SP140: variants seen among roughly 807,000 people sequenced by gnomAD.
SP140 encodes SP140 nuclear body protein, also known as nuclear body protein SP140.
Under a neutral mutation model 125.0 loss-of-function variants are expected in SP140, and 81 were observed. The ratio of observed to expected loss-of-function variants is 0.65; its 90% confidence interval spans 0.54 to 0.78. SP140 has a LOEUF of 0.78. Among genes scored for constraint, SP140 ranks in the 30% least tolerant of loss-of-function variants. The pLI, the probability that SP140 is intolerant of heterozygous loss-of-function variation, is 0.00. For synonymous variants in SP140, 312 were observed against 354.0 expected, an observed-to-expected ratio of 0.88 and a Z score of 1.33; for missense variants, 858 against 1,037.0, an observed-to-expected ratio of 0.83 and a Z score of 2.37.
chr2:230,293,359 G>A (rs1195142542), intron 20 of SP140, among the ~76,000 whole-genome samples: 2 of 152,118 alleles, frequency 1.3e-5, no homozygotes, highest in African/African-American at 4.8e-5. Flanking sequence ...ATTTTTAGGA[G>A]ACAGTCTCAC....
Position 230,310,760 on chromosome 2 carries a change from T to C in SP140, c.2192T>C (p.Ile731Thr). 2 of 1,537,244 alleles carry C rather than the reference T, an allele frequency of 1.3e-6. No individual in the cohort carries two copies. The highest frequency in any genetic ancestry group is 2.4e-5 in the South Asian group (2 of 84,640). The change falls in exon 24 of 27, where the codon ATC becomes ACC. Residue 731 changes from isoleucine to threonine, a missense_variant. Coordinates refer to ENST00000392045, the MANE Select transcript of SP140 (RefSeq NM_007237.5). Reference sequence around the variant, plus strand: ...TCTCTCAGGACCCCGTGGAATTGCATCTTCTGCAGGATGAAGGAGTCTCCG... The same window carrying C: ...TCTCTCAGGACCCCGTGGAATTGCACCTTCTGCAGGATGAAGGAGTCTCCG... Reference protein sequence around the residue: ...VEAERTPWNCIFCRMKESPGS... With the variant: ...VEAERTPWNCTFCRMKESPGS...
chr2:230,251,031 G>A lies in SP140; in HGVS notation c.1027G>A (p.Ala343Thr), dbSNP rs1323410349. 3 of 1,613,582 alleles carry A rather than the reference G, an allele frequency of 1.9e-6. No individual in the cohort carries two copies. The highest frequency in any genetic ancestry group is 2.7e-5 in the African/African-American group (2 of 74,908). Residue 343 changes from alanine to threonine, a missense_variant, in exon 10 of 27, where the codon GCC becomes ACC. Ala to Thr is a moderately conservative substitution (Grantham distance 58). Around this residue, in one of 4 missense-constraint regions of SP140, gnomAD observed 791 missense variants for 869.5 expected, o/e 0.91. Coordinates refer to ENST00000392045, the MANE Select transcript of SP140 (RefSeq NM_007237.5). The part of the protein sequence containing the change: ...EMCDGEEPQE[A>T]SSSLARCGSV... ...GTGTGATGGAGAAGAGCCCCAGGAA[G>A]CCTCTAGCTCCCTAGCAAGATGTGG...
intron 3 of SP140, chr2:230,239,019 G>A: frequency 7.0e-7 from 1 of 1,419,856 alleles, no homozygotes; most frequent in Non-Finnish European, 9.2e-7. Flanking sequence ...CTGTGCTAAG[G>A]AATCTGGAGT....
At chr2:230,297,644 T>C (rs1352996377) in intron 22 of SP140, among the ~76,000 whole-genome samples, 182 bp downstream of exon 22, 1 of 152,226 alleles carries the variant, frequency 6.6e-6, no homozygotes, top group Non-Finnish European at 1.5e-5. Context: ...TGTCTCATTA[T>C]GAAAGCACCC....
chr2:230,188,608 A>T, the SP140 span, among the ~76,000 whole-genome samples: 1 of 152,178 alleles, frequency 6.6e-6, no homozygotes, highest in African/African-American at 2.4e-5. Flanking sequence ...ATTTAGTATC[A>T]CATTGGCTGT....
chr2:230,207,880 T>C, intron 1 of SP140: 1 of 691,410 alleles, frequency 1.4e-6, no homozygotes, highest in Non-Finnish European at 2.6e-6. Flanking sequence ...CTAAATCTCT[T>C]CAATGGCTTC....
chr2:230,270,115 G>A (rs1416826670), intron 14 of SP140, among the ~76,000 whole-genome samples, 162 bp downstream of exon 14: 1 of 152,094 alleles, frequency 6.6e-6, no homozygotes, highest in Non-Finnish European at 1.5e-5. Context: ...TCGTTATAAA[G>A]TACTATTTAA....
At chr2:230,290,075 T>G (rs1021664977) in intron 18 of SP140, among the ~76,000 whole-genome samples, 1 of 152,196 alleles carries the variant, frequency 6.6e-6, no homozygotes, top group Non-Finnish European at 1.5e-5. Flanking sequence ...AGACTGAATA[T>G]GATCTCTGGA....
At chr2:230,276,387 A>G (rs1182692392) in intron 15 of SP140, among the ~76,000 whole-genome samples, 1 of 152,150 alleles carries the variant, frequency 6.6e-6, no homozygotes, top group Non-Finnish European at 1.5e-5. Flanking sequence ...TGTATAAGTA[A>G]AATAAAGCCC....
chr2:230,233,102 C>T (rs541170908), intron 1 of SP140, among the ~76,000 whole-genome samples: 294 of 151,780 alleles, frequency 1.9e-3, no homozygotes, highest in Non-Finnish European at 2.4e-3. Context: ...ATATTTTATG[C>T]CTCTTTATTT....
At chr2:230,250,105 T>TC (rs1408406256) in intron 9 of SP140, among the ~76,000 whole-genome samples, 9 of 152,108 alleles carry the variant, frequency 5.9e-5, no homozygotes, top group Non-Finnish European at 1.3e-4. Context: ...ACCTAGAAAC[T>TC]CCCCTTTCTC....
At chr2:230,284,262 A>G in intron 15 of SP140, 84 bp from the exon 16 acceptor site, 4 of 1,345,696 alleles carry the variant, frequency 3.0e-6, no homozygotes, top group Non-Finnish European at 3.0e-6. Flanking sequence ...TATGAAAAAA[A>G]ATCTTTAATA....
intron 22 of SP140, 111 bp downstream of exon 22, chr2:230,297,573 T>C: frequency 7.8e-7 from 1 of 1,286,806 alleles, no homozygotes; most frequent in Non-Finnish European, 1.1e-6. Flanking sequence ...TCAGCTGGAG[T>C]ATGTGGCTGT....
intron 16 of SP140, 100 bp from the exon 17 acceptor site, chr2:230,285,652 C>A: frequency 1.0e-6 from 1 of 984,034 alleles, no homozygotes; most frequent in Non-Finnish European, 1.6e-6. Flanking sequence ...TCGAGGGGAT[C>A]CAGAATGAGA....
intron 12 of SP140, among the ~76,000 whole-genome samples, chr2:230,258,171 A>G (rs1340183738): frequency 6.6e-6 from 1 of 152,170 alleles, no homozygotes; most frequent in Non-Finnish European, 1.5e-5. Flanking sequence ...CCCTTTAGGA[A>G]ATCTCTCATC....
intron 1 of SP140, 65 bp downstream of exon 1, chr2:230,225,968 A>G: frequency 7.9e-7 from 1 of 1,263,366 alleles, no homozygotes; most frequent in Non-Finnish European, 1.1e-6. Context: ...CATACTTGTT[A>G]TTTAATGTCT....
At chr2:230,231,671 G>C (rs2047264669) in intron 1 of SP140, among the ~76,000 whole-genome samples, 1 of 151,976 alleles carries the variant, frequency 6.6e-6, no homozygotes, top group South Asian at 2.1e-4. Flanking sequence ...ACTGCACCTT[G>C]GGCTATTACT....
intron 19 of SP140, among the ~76,000 whole-genome samples, chr2:230,291,031 CTGAACCTG>C (rs1373628261): frequency 6.6e-6 from 1 of 152,128 alleles, no homozygotes; most frequent in Admixed American, 6.5e-5. Context: ...GGGAACCTTT[CTGAACCTG>C]AAATGTCTCA....
At chr2:230,225,329 C>T (rs2046194022), upstream of SP140, among the ~76,000 whole-genome samples, 1 of 152,206 alleles carries the variant, frequency 6.6e-6, no homozygotes, top group South Asian at 2.1e-4. Context: ...CCCCCACTTT[C>T]TAATGCATGC....
Sources: allele counts gnomAD v4.1 joint callset (sites outside exome capture counted in the v4.1 genomes callset), GRCh38; gene constraint gnomAD v4.1.1; regional missense constraint gnomAD v4.1.1; transcripts MANE v1.5; gene names NCBI Gene and HGNC (gene_info 2026-07-23, HGNC 2026-07-21).